The following ATAD2B variants were observed in gnomAD, a reference collection of about 807,000 sequenced individuals.
ATAD2B encodes the protein ATPase family AAA domain-containing protein 2B.
In ATAD2B, 40 loss-of-function variants were observed where a neutral mutation model predicts 167.6. The ratio of observed to expected loss-of-function variants is 0.24; its 90% CI spans 0.19 to 0.31. The LOEUF is 0.31. Ranked by LOEUF, ATAD2B falls within the 10% of genes least tolerant of loss-of-function variation. The pLI, the probability that ATAD2B is intolerant of heterozygous loss-of-function variation, is 1.00. For missense variants in ATAD2B, 1,242 were observed against 1,757.2 expected (o/e 0.71, Z 5.24); for synonymous variants, 579 against 596.5 (o/e 0.97, Z 0.43).
chr2:23,856,650 C>A (rs2712090), intron 13 of ATAD2B, among the ~76,000 whole-genome samples: 5,836 of 152,094 alleles, frequency 0.038, 110 homozygotes, highest in South Asian at 0.046. Flanking sequence ...CACTTGAGGC[C>A]AGGAGTTCAA....
At chr2:23,727,189 T>C in the ATAD2B span, among the ~76,000 whole-genome samples, 138 of 152,224 alleles carry the variant, frequency 9.1e-4, no homozygotes, top group African/African-American at 3.2e-3. Context: ...CTGCAAAATA[T>C]GTATGTGATA....
the ATAD2B span, chr2:23,696,584 T>C: frequency 8.0e-7 from 1 of 1,243,536 alleles, no homozygotes; most frequent in Non-Finnish European, 1.1e-6. This position sits in a 1 kb window ranked among gnomAD's most constrained non-coding sequence, Gnocchi z 5.5. Flanking sequence ...TCACTCACTG[T>C]ACCTCCCAAC....
chr2:23,907,000 C>G (rs568054367), intron 1 of ATAD2B, among the ~76,000 whole-genome samples: 1 of 149,934 alleles, frequency 6.7e-6, no homozygotes, highest in South Asian at 2.1e-4. Context: ...GACACACTCA[C>G]AGCCAATATC....
the ATAD2B span, among the ~76,000 whole-genome samples, chr2:23,730,041 A>G: frequency 6.6e-6 from 1 of 152,208 alleles, no homozygotes; most frequent in African/African-American, 2.4e-5. Flanking sequence ...TGAGCAATCA[A>G]TGTGATATAA....
At chr2:23,686,056 T>C in the ATAD2B span, among the ~76,000 whole-genome samples, 1 of 151,826 alleles carries the variant, frequency 6.6e-6, no homozygotes, top group African/African-American at 2.4e-5. Context: ...GAACACGTGC[T>C]AGGAGGGAAC....
chr2:23,867,874 T>C lies in ATAD2B; in HGVS notation c.1149A>G (p.Ala383=), dbSNP rs1164773154. The change falls in exon 10 of 28, where the codon GCA becomes GCG. Residue 383 remains alanine (A), a synonymous_variant. Transcript: ENST00000238789. ...GILRERVKVG[A]SLADVDPMNI... Reference sequence around the variant, plus strand: ...TCATTGGATCAACATCAGCCAAGCTTGCACCCACTTTCACTCGTTCTCGGA... The same window carrying C: ...TCATTGGATCAACATCAGCCAAGCTCGCACCCACTTTCACTCGTTCTCGGA... 5.0e-6 allele frequency: 8 copies of C among 1,613,796 alleles called. No individual in the cohort carries two copies. Among genetic ancestry groups the C allele is most frequent in the Non-Finnish European group, 6.8e-6 (8 of 1,179,758 alleles).
At chr2:23,880,860 G>A (rs1174217202) in intron 6 of ATAD2B, 105 bp from the exon 7 acceptor site, 2 of 689,846 alleles carry the variant, frequency 2.9e-6, no homozygotes, top group Non-Finnish European at 4.9e-6. Context: ...TACTCTTTCT[G>A]CACAGGTGAC....
In ATAD2B at chr2:23,762,246, T is replaced by C; in HGVS notation, c.3357A>G (p.Pro1119=). Reference sequence around the variant, plus strand: ...TTGCAGAGTTGTGCCACACATCCATTGGATTTCTTTGTTTGTGCCGAAATG... The same window carrying C: ...TTGCAGAGTTGTGCCACACATCCATCGGATTTCTTTGTTTGTGCCGAAATG... ...EEAFRHKQRN[P]MDVWHNSANK... The change falls in exon 24 of 28, where the codon CCA becomes CCG. Residue 1119 remains proline, a synonymous_variant. Coordinates refer to ENST00000238789, the MANE Select transcript of ATAD2B (RefSeq NM_017552.4). 5 of 1,613,722 alleles carry C rather than the reference T, an allele frequency of 3.1e-6. No individual in the cohort carries two copies. Among genetic ancestry groups the C allele is most frequent in the Non-Finnish European group, 4.2e-6 (5 of 1,179,766 alleles).
chr2:23,708,844 TC>T, the ATAD2B span, among the ~76,000 whole-genome samples: 1 of 152,184 alleles, frequency 6.6e-6, no homozygotes, highest in Non-Finnish European at 1.5e-5. Context: ...CTGAGGCTCT[TC>T]CTTTCATTGA....
chr2:23,768,740 G>T (rs1243411768), intron 22 of ATAD2B, among the ~76,000 whole-genome samples: 8 of 152,052 alleles, frequency 5.3e-5, no homozygotes, highest in Admixed American at 5.2e-4. Flanking sequence ...ATATACGAGT[G>T]GAATCACAAA....
At chr2:23,888,548 T>C (rs1699021458) in intron 2 of ATAD2B, 149 bp from the exon 3 acceptor site, 1 of 569,350 alleles carries the variant, frequency 1.8e-6, no homozygotes, top group South Asian at 2.7e-5. Context: ...ATATGTCAAT[T>C]AATAAAATAT....
the ATAD2B span, among the ~76,000 whole-genome samples, chr2:23,732,431 G>A: frequency 6.6e-6 from 1 of 152,134 alleles, no homozygotes; most frequent in Admixed American, 6.5e-5. Context: ...ACATTTAGAG[G>A]AAAAAAGATT....
chr2:23,737,981 A>G, the ATAD2B span, among the ~76,000 whole-genome samples: 2 of 152,192 alleles, frequency 1.3e-5, no homozygotes, highest in Admixed American at 1.3e-4. Flanking sequence ...AAATGAAGCG[A>G]GAAGAGAAGT....
intron 27 of ATAD2B, 94 bp downstream of exon 27, chr2:23,754,077 GGTAAAAGA>G (rs1675671152): frequency 1.1e-6 from 1 of 906,690 alleles, no homozygotes; most frequent in Non-Finnish European, 1.5e-6. Context: ...TCAGCTACTT[GGTAAAAGA>G]CATAGATGTA....
At chr2:23,700,161 G>A in the ATAD2B span, among the ~76,000 whole-genome samples, 1 of 152,080 alleles carries the variant, frequency 6.6e-6, no homozygotes, top group East Asian at 1.9e-4. The surrounding 1 kb of genome is among the most constrained non-coding windows in gnomAD (Gnocchi z 4.6). Context: ...TCATTATCCA[G>A]TTGGACTCCT....
Position 23,762,197 on chromosome 2 carries a change from T to G in ATAD2B, c.3394+12A>C. ...GTTCTCACTACTGGATAACATGAGC[T>G]GAAATACTCACATGCACATTTATTT... On this transcript the variant is annotated intron_variant, in intron 24 of 27. Transcript: ENST00000238789. 6.2e-7 allele frequency: 1 copy of G among 1,612,954 alleles called. No homozygotes were observed. Among genetic ancestry groups the G allele is most frequent in the Non-Finnish European group, 8.5e-7 (1 of 1,179,350 alleles).
chr2:23,780,083 A>G (rs1306429618), intron 22 of ATAD2B, among the ~76,000 whole-genome samples: 2 of 152,022 alleles, frequency 1.3e-5, no homozygotes, highest in African/African-American at 4.8e-5. Context: ...CTTCTCTACA[A>G]ACAAAAACAC....
intron 18 of ATAD2B, among the ~76,000 whole-genome samples, chr2:23,805,806 A>AAAAAACC (rs1553396417): frequency 6.9e-6 from 1 of 145,704 alleles, no homozygotes; most frequent in Admixed American, 6.9e-5. Context: ...AAAAAAAAAA[A>AAAAAACC]AACAAATCTG....
the ATAD2B span, among the ~76,000 whole-genome samples, chr2:23,712,561 G>C: frequency 6.6e-6 from 1 of 152,292 alleles, no homozygotes; most frequent in Non-Finnish European, 1.5e-5. Flanking sequence ...GAGGAGAGGG[G>C]AGAACAGCAT....
Sources: gnomAD v4.1 joint callset for allele counts (sites outside exome capture counted in the v4.1 genomes callset) on GRCh38, gnomAD v4.1.1 for gene constraint, Gnocchi (gnomAD v3.1) non-coding constraint, MANE v1.5 for transcripts, NCBI Gene and HGNC (gene_info 2026-07-23, HGNC 2026-07-21) for gene names.